Variants in TBC1D32 observed in about 807,000 individuals in gnomAD.
TBC1D32 encodes the protein protein broad-minded.
A neutral mutation model predicts 170.3 loss-of-function variants in TBC1D32; 151 were observed. The ratio of observed to expected loss-of-function variants is 0.89; its 90% CI spans 0.78 to 1.01. TBC1D32 has a LOEUF of 1.01. TBC1D32 is among the 50% of genes least tolerant of loss of function. The pLI is 0.00. For synonymous variants in TBC1D32, 498 were observed against 488.0 expected, an observed-to-expected ratio of 1.02 and a Z score of -0.27; for missense variants, 1,464 against 1,457.1, an observed-to-expected ratio of 1.00 and a Z score of -0.08.
chr6:121,162,410 A>C (rs1212228147), intron 22 of TBC1D32, among the ~76,000 whole-genome samples: 2 of 152,170 alleles, frequency 1.3e-5, no homozygotes, highest in African/African-American at 4.8e-5. Context: ...TCACAAAATA[A>C]TAAGCACCAT....
upstream of TBC1D32, chr6:121,334,586 A>G (rs1054537944): frequency 3.6e-6 from 3 of 832,726 alleles, no homozygotes; most frequent in Non-Finnish European, 5.6e-6. Flanking sequence ...CTCAGCTGCC[A>G]GTGCGTCATT....
At chr6:121,285,067 C>A (rs1341042436) in intron 12 of TBC1D32, among the ~76,000 whole-genome samples, 4 of 152,074 alleles carry the variant, frequency 2.6e-5, no homozygotes, top group Admixed American at 6.6e-5. Context: ...AATAAATATA[C>A]TGTGTAACGG....
chr6:121,202,994 C>G (rs188789324), intron 22 of TBC1D32, among the ~76,000 whole-genome samples: 2 of 151,320 alleles, frequency 1.3e-5, no homozygotes, highest in Non-Finnish European at 2.9e-5. Flanking sequence ...GCAAATGGAA[C>G]AAGCAATGAA....
chr6:121,217,705 A>G (rs1758923582), intron 21 of TBC1D32, among the ~76,000 whole-genome samples: 1 of 152,182 alleles, frequency 6.6e-6, no homozygotes, highest in African/African-American at 2.4e-5. Flanking sequence ...AAGGCTTAGT[A>G]CCTGGGTGAT....
At chr6:121,275,751 C>T (rs1485489807) in intron 15 of TBC1D32, among the ~76,000 whole-genome samples, 1 of 152,094 alleles carries the variant, frequency 6.6e-6, no homozygotes, top group Non-Finnish European at 1.5e-5. Context: ...ATATCACTTT[C>T]AGGACTATCT....
At chr6:121,152,683 G>A (rs1241367730) in intron 24 of TBC1D32, among the ~76,000 whole-genome samples, 5 of 152,040 alleles carry the variant, frequency 3.3e-5, no homozygotes, top group Admixed American at 3.3e-4. Flanking sequence ...ATATTTTTTG[G>A]AGGCTTTGTT....
At chr6:121,212,457 T>TTA (rs905368442) in intron 21 of TBC1D32, among the ~76,000 whole-genome samples, 2 of 134,126 alleles carry the variant, frequency 1.5e-5, no homozygotes, top group African/African-American at 3.0e-5. Flanking sequence ...TCTCTTTTTT[T>TTA]TTTTTTTTTT....
chr6:121,243,998 G>C (rs1261302990), intron 17 of TBC1D32, among the ~76,000 whole-genome samples: 1 of 151,736 alleles, frequency 6.6e-6, no homozygotes, highest in Non-Finnish European at 1.5e-5. Flanking sequence ...TACTATAAAG[G>C]CAAACGAGGG....
Position 121,284,034 on chromosome 6 carries a change from A to G in TBC1D32, c.1373-124T>C, listed in dbSNP as rs1046620436. ...TGTACAGACTACGAGGCAATCAGGAAGAAGGGAGCTATAATCTCAGATAGA... is the reference window on the plus strand; with the variant it reads ...TGTACAGACTACGAGGCAATCAGGAGGAAGGGAGCTATAATCTCAGATAGA... On this transcript the variant is annotated intron_variant, in intron 12 of 31. Coordinates refer to ENST00000398212, the MANE Select transcript of TBC1D32 (RefSeq NM_152730.6). The G allele has an allele frequency of 2.1e-5, 14 of 674,896 alleles. 1 individual carries two copies. In the Middle Eastern group the frequency reaches 1.3e-3, roughly 60 times the overall value. 41.8% of individuals were successfully genotyped at this position (674,896 alleles called of 1,614,324 possible). A position where few individuals can be genotyped will look rare whatever the true frequency, so the allele number is the denominator to read the frequency against.
intron 26 of TBC1D32, among the ~76,000 whole-genome samples, chr6:121,118,072 A>T (rs1779868980): frequency 6.6e-6 from 1 of 152,226 alleles, no homozygotes; most frequent in African/African-American, 2.4e-5. Flanking sequence ...GATACATAAC[A>T]CATACTTAAT....
chr6:121,084,459 C>T (rs190121149), intron 31 of TBC1D32, among the ~76,000 whole-genome samples: 4 of 152,150 alleles, frequency 2.6e-5, no homozygotes, highest in Admixed American at 2.6e-4. Flanking sequence ...CTTGATCACA[C>T]TACAGACATA....
intron 20 of TBC1D32, among the ~76,000 whole-genome samples, chr6:121,228,952 C>A (rs1026135393): frequency 1.3e-5 from 2 of 151,980 alleles, no homozygotes; most frequent in Non-Finnish European, 2.9e-5. Context: ...GTCTTTCTGG[C>A]GTATTGACCA....
In TBC1D32 at chr6:121,080,711, AG is replaced by A; in HGVS notation, c.*59del. Reference sequence around the variant, plus strand: ...TTGTTACAGACACAGAAAAACATCAAGCCCCCCTGCTGTGTTTAAAAATAAA... The same window carrying A: ...TTGTTACAGACACAGAAAAACATCAACCCCCCTGCTGTGTTTAAAAATAAA... On this transcript the variant is annotated 3_prime_UTR_variant, in exon 32 of 32. Transcript: ENST00000398212. 1 of 1,534,242 alleles carries A rather than the reference AG, an allele frequency of 6.5e-7. No individual in the cohort carries two copies. Among genetic ancestry groups the A allele is most frequent in the Non-Finnish European group, 8.8e-7 (1 of 1,142,482 alleles).
chr6:121,138,900 A>C (rs1458899149), intron 24 of TBC1D32, among the ~76,000 whole-genome samples: 1 of 149,776 alleles, frequency 6.7e-6, no homozygotes. Context: ...GCTGGAGTGC[A>C]GTAGAGCAAT....
At chr6:121,269,618 C>T (rs1209036826) in intron 15 of TBC1D32, among the ~76,000 whole-genome samples, 1 of 152,144 alleles carries the variant, frequency 6.6e-6, no homozygotes, top group Non-Finnish European at 1.5e-5. Context: ...AAAGCAAGTC[C>T]TTAGTGACCT....
intron 15 of TBC1D32, among the ~76,000 whole-genome samples, chr6:121,263,050 T>A (rs1799975825): frequency 6.6e-6 from 1 of 152,120 alleles, no homozygotes; most frequent in Non-Finnish European, 1.5e-5. Flanking sequence ...GCTGGCATCA[T>A]GATGACAGGA....
chr6:121,280,428 T>C (rs1489189833), intron 14 of TBC1D32, among the ~76,000 whole-genome samples: 2 of 151,810 alleles, frequency 1.3e-5, no homozygotes, highest in Admixed American at 1.3e-4. Flanking sequence ...TTAAACTAGA[T>C]ACTGAGTGTC....
At chr6:121,171,318 A>AG (rs143341224) in intron 22 of TBC1D32, among the ~76,000 whole-genome samples, 3,364 of 143,742 alleles carry the variant, frequency 0.023, 132 homozygotes, top group East Asian at 0.12. Context: ...AACTCTTACA[A>AG]GTTAAAAAAA....
At chr6:121,258,399 T>C (rs776479307) in intron 15 of TBC1D32, among the ~76,000 whole-genome samples, 4 of 152,136 alleles carry the variant, frequency 2.6e-5, no homozygotes, top group South Asian at 2.1e-4. Flanking sequence ...ATCCCTTTGT[T>C]TGCAGCTTTT....
Sources: gnomAD v4.1 joint callset for allele counts (sites outside exome capture counted in the v4.1 genomes callset) on GRCh38, gnomAD v4.1.1 for gene constraint, MANE v1.5 for transcripts, NCBI Gene and HGNC (gene_info 2026-07-23, HGNC 2026-07-21) for gene names.